ACSS3: variants seen among roughly 807,000 people sequenced by gnomAD.
ACSS3 encodes acyl-CoA synthetase short-chain family member 3, mitochondrial.
Under a neutral mutation model 84.2 loss-of-function variants are expected in ACSS3, and 64 were observed. The observed-to-expected ratio is 0.76, with a 90% CI of 0.62 to 0.94. The LOEUF is 0.94. ACSS3 is among the 40% of genes least tolerant of loss of function. ACSS3 has a pLI of 0.00. For missense variants in ACSS3, 815 were observed against 867.6 expected (o/e 0.94, Z 0.76); for synonymous variants, 317 against 310.1 (o/e 1.02, Z -0.23).
chr12:81,205,652 C>T (rs949490061), intron 9 of ACSS3, among the ~76,000 whole-genome samples: 3 of 151,730 alleles, frequency 2.0e-5, no homozygotes, highest in Admixed American at 1.3e-4. Flanking sequence ...CTTTTTTTTC[C>T]GTGATCATCC....
chr12:81,102,593 C>A (rs138524442), intron 1 of ACSS3, among the ~76,000 whole-genome samples: 9 of 151,754 alleles, frequency 5.9e-5, no homozygotes, highest in African/African-American at 2.2e-4. Flanking sequence ...GAGGCCGAGG[C>A]GGGCAGATCA....
At chr12:81,137,452 G>A (rs1358095065) in intron 3 of ACSS3, among the ~76,000 whole-genome samples, 1 of 151,750 alleles carries the variant, frequency 6.6e-6, no homozygotes, top group African/African-American at 2.4e-5. Context: ...GAGAGAAGAT[G>A]GAGATATATA....
At chr12:81,245,357 GA>G in intron 13 of ACSS3, among the ~76,000 whole-genome samples, 1 of 152,210 alleles carries the variant, frequency 6.6e-6, no homozygotes. Flanking sequence ...AACTACTCGG[GA>G]GGCTGAGGCA....
In ACSS3 at chr12:81,213,932, C is replaced by CCTTCCTTCCTTCCTTCCTTCCTTT. The variant is rs1189369982; in HGVS notation, c.1355-2966_1355-2965insCCTTCCTTCCTTCCTTCCTTTCTT. Among the ~76,000 whole-genome samples, 152 of 76,674 alleles carry CCTTCCTTCCTTCCTTCCTTCCTTT rather than the reference C, an allele frequency of 2.0e-3. 4 individuals carry two copies. The highest frequency in any genetic ancestry group is 6.4e-3 in the East Asian group (18 of 2,822). 50.3% of individuals were successfully genotyped at this position (76,674 alleles called of 152,430 possible). On this transcript the variant is annotated intron_variant, in intron 9 of 15. Coordinates refer to ENST00000548058, the MANE Select transcript of ACSS3 (RefSeq NM_024560.4). ...TCCTTCCTTCCTTCCTTCCTTCCTT[C>CCTTCCTTCCTTCCTTCCTTCCTTT]CTTTCTCTCTCTCTCTCCCTCTCTC...
chr12:81,165,876 A>G (rs576332633), intron 7 of ACSS3, among the ~76,000 whole-genome samples: 1 of 152,314 alleles, frequency 6.6e-6, no homozygotes, highest in East Asian at 1.9e-4. Flanking sequence ...TGAATGAGAC[A>G]ATAACAATTA....
chr12:81,179,546 G>A (rs2030768773), intron 8 of ACSS3, among the ~76,000 whole-genome samples: 1 of 152,010 alleles, frequency 6.6e-6, no homozygotes, highest in Non-Finnish European at 1.5e-5. Context: ...ACTTTGGGAG[G>A]CCGAGGTGGG....
chr12:81,247,379 T>C (rs957670371), intron 13 of ACSS3, among the ~76,000 whole-genome samples: 3 of 152,134 alleles, frequency 2.0e-5, no homozygotes, highest in African/African-American at 4.8e-5. Context: ...TTCAAAGATA[T>C]GTTGTGTTTT....
At chr12:81,094,340 GATA>G (rs1384380374) in intron 1 of ACSS3, 1 of 152,022 alleles carries the variant, frequency 6.6e-6, no homozygotes, top group Non-Finnish European at 1.5e-5. Context: ...GAAGAATAAA[GATA>G]ATAACTTAGA....
At chr12:81,100,603 A>G (rs1209737948) in intron 1 of ACSS3, among the ~76,000 whole-genome samples, 1 of 152,222 alleles carries the variant, frequency 6.6e-6, no homozygotes, top group Non-Finnish European at 1.5e-5. Context: ...TAAGAATCTT[A>G]TATCAGTCAG....
At chr12:81,150,541 C>A (rs1433602767) in intron 5 of ACSS3, among the ~76,000 whole-genome samples, 1 of 152,136 alleles carries the variant, frequency 6.6e-6, no homozygotes, top group Non-Finnish European at 1.5e-5. Context: ...TGGCAGGGGG[C>A]TTAGAATTTC....
intron 9 of ACSS3, among the ~76,000 whole-genome samples, chr12:81,215,897 T>G (rs1374277173): frequency 6.6e-6 from 1 of 152,118 alleles, no homozygotes; most frequent in Non-Finnish European, 1.5e-5. Context: ...GAAAACAAAT[T>G]TAGCATTTTT....
chr12:81,185,447 A>G (rs902712543), intron 8 of ACSS3, among the ~76,000 whole-genome samples: 1 of 151,772 alleles, frequency 6.6e-6, no homozygotes, highest in Non-Finnish European at 1.5e-5. Flanking sequence ...AAAACCTCCA[A>G]AGATACCACA....
chr12:81,233,777 C>T (rs1308295007), intron 13 of ACSS3, among the ~76,000 whole-genome samples: 2 of 151,726 alleles, frequency 1.3e-5, no homozygotes, highest in East Asian at 1.9e-4. Context: ...TTGATTTACT[C>T]GTGTTTAATC....
At chr12:81,108,416 T>G (rs1228416024) in intron 1 of ACSS3, among the ~76,000 whole-genome samples, 1 of 151,938 alleles carries the variant, frequency 6.6e-6, no homozygotes, top group Non-Finnish European at 1.5e-5. Flanking sequence ...TAGCTGGAAT[T>G]TCAGGCACCT....
At position 81,182,856 on chromosome 12, in the gene ACSS3, T is replaced by C. The variant is rs578068744; in HGVS notation, c.1250+7917T>C. On this transcript the variant is annotated intron_variant, in intron 8 of 15. Coordinates refer to ENST00000548058, the MANE Select transcript of ACSS3 (RefSeq NM_024560.4). ...TTTCCCTTTCCACTTTATCCAACCA[T>C]GCCTTATGCACATTTATTTACCTAA... Among the ~76,000 whole-genome samples, 3 of 152,280 alleles carry C rather than the reference T, an allele frequency of 2.0e-5. No individual in the cohort carries two copies. In the East Asian group the frequency reaches 5.8e-4, roughly 29 times the overall value.
intron 8 of ACSS3, among the ~76,000 whole-genome samples, chr12:81,186,681 T>C (rs759331905): frequency 1.3e-5 from 2 of 151,808 alleles, no homozygotes; most frequent in African/African-American, 4.8e-5. Flanking sequence ...ATCCATTAGA[T>C]GGCTATTATC....
intron 5 of ACSS3, among the ~76,000 whole-genome samples, chr12:81,144,483 A>G (rs952426418): frequency 6.6e-6 from 1 of 152,028 alleles, no homozygotes; most frequent in African/African-American, 2.4e-5. Flanking sequence ...ATAATTCTCA[A>G]CCTCCACTTT....
chr12:81,130,419 G>A (rs1464065350), intron 2 of ACSS3, among the ~76,000 whole-genome samples: 1 of 152,154 alleles, frequency 6.6e-6, no homozygotes, highest in African/African-American at 2.4e-5. Context: ...CTGCATAAAT[G>A]TCTTCTTTTG....
chr12:81,243,883 C>A (rs1194995046), intron 13 of ACSS3, among the ~76,000 whole-genome samples: 4 of 152,092 alleles, frequency 2.6e-5, no homozygotes, highest in Non-Finnish European at 5.9e-5. Flanking sequence ...AAATTGAGAA[C>A]AAGAAAAATA....
Sources: allele counts gnomAD v4.1 joint callset (sites outside exome capture counted in the v4.1 genomes callset), GRCh38; gene constraint gnomAD v4.1.1; transcripts MANE v1.5; gene names NCBI Gene and HGNC (gene_info 2026-07-23, HGNC 2026-07-21).